Variants in ANKS6 observed in about 807,000 individuals in gnomAD.
The protein encoded by ANKS6 is ankyrin repeat and sterile alpha motif domain containing 6, also known as ankyrin repeat and SAM domain-containing protein 6.
Under a neutral mutation model 77.9 loss-of-function variants are expected in ANKS6, and 47 were observed. The observed-to-expected ratio is 0.60, with a 90% CI of 0.48 to 0.77. The LOEUF (loss-of-function observed/expected upper bound fraction) is 0.77, where lower values mean the gene tolerates loss of function less well. ANKS6 is among the 30% of genes least tolerant of loss of function. ANKS6 has a pLI of 0.00. For missense variants in ANKS6, 1,150 were observed against 1,159.1 expected, an observed-to-expected ratio of 0.99 and a Z score of 0.11; for synonymous variants, 488 against 501.7, an observed-to-expected ratio of 0.97 and a Z score of 0.37.
intron 14 of ANKS6, among the ~76,000 whole-genome samples, chr9:98,743,466 G>A (rs1410605069): frequency 6.6e-6 from 1 of 152,170 alleles, no homozygotes. Context: ...CTTTGCACAT[G>A]TGCTTCCCTC....
intron 11 of ANKS6, among the ~76,000 whole-genome samples, chr9:98,765,292 T>C (rs1332494189): frequency 1.3e-5 from 2 of 152,226 alleles, no homozygotes; most frequent in Admixed American, 1.3e-4. Flanking sequence ...TAAGATTATT[T>C]GGGATTCTGT....
intron 9 of ANKS6, among the ~76,000 whole-genome samples, chr9:98,772,166 C>G (rs1468773686): frequency 1.3e-5 from 2 of 152,144 alleles, no homozygotes; most frequent in African/African-American, 4.8e-5. Context: ...CTAAGATGTG[C>G]CCAAGTCAAG....
Position 98,733,401 on chromosome 9 carries a change from T to C in ANKS6, c.*3118A>G. The C allele has an allele frequency of 1.0e-6, 1 of 985,380 alleles. No homozygotes were observed. The highest frequency in any genetic ancestry group is 1.2e-6 in the Non-Finnish European group (1 of 829,954). The allele number at this position is 985,380 out of a possible 1,614,324, so 61.0% of individuals were successfully genotyped here. A position where few individuals can be genotyped will look rare whatever the true frequency, so the allele number is the denominator to read the frequency against. On this transcript the variant is annotated 3_prime_UTR_variant, in exon 15 of 15. Coordinates refer to ENST00000353234, the MANE Select transcript of ANKS6 (RefSeq NM_173551.5). Reference sequence around the variant, plus strand: ...CTGCAGGAGAGCTCAGGGTGGAGCCTCAGCTCAATGCCCTCAGGCTGGAGA... The same window carrying C: ...CTGCAGGAGAGCTCAGGGTGGAGCCCCAGCTCAATGCCCTCAGGCTGGAGA...
intron 3 of ANKS6, chr9:98,784,525 G>A (rs1013923570): frequency 4.8e-6 from 2 of 417,112 alleles, no homozygotes; most frequent in African/African-American, 4.0e-5. Flanking sequence ...AAAATTTTAG[G>A]CTAAATGCCT....
At chr9:98,745,340 A>C (rs1312807172) in intron 14 of ANKS6, among the ~76,000 whole-genome samples, 1 of 152,200 alleles carries the variant, frequency 6.6e-6, no homozygotes, top group East Asian at 1.9e-4. Flanking sequence ...CCCGAGGGCC[A>C]CACCTAGCCC....
Position 98,735,384 on chromosome 9 carries a change from A to G in ANKS6, c.*1135T>C. ...CATAAATGCAACAAGCACTGGCTGA[A>G]TGAGTCATTCACTGGAAAACACTTC... On this transcript the variant is annotated 3_prime_UTR_variant, in exon 15 of 15. Transcript: ENST00000353234. The G allele has an allele frequency of 7.2e-6, 8 of 1,104,556 alleles. No individual in the cohort carries two copies. The highest frequency in any genetic ancestry group is 8.8e-6 in the Non-Finnish European group (8 of 908,482). 68.4% of individuals were successfully genotyped at this position (1,104,556 alleles called of 1,614,324 possible).
chr9:98,794,637 A>T (rs796492771), intron 1 of ANKS6, among the ~76,000 whole-genome samples: 20 of 152,216 alleles, frequency 1.3e-4, no homozygotes, highest in African/African-American at 4.3e-4. Context: ...CTTGGTTAAA[A>T]CTGATGATCT....
chr9:98,780,471 C>T (rs1272324976), intron 5 of ANKS6, 134 bp from the exon 6 acceptor site: 4 of 1,056,662 alleles, frequency 3.8e-6, no homozygotes, highest in Non-Finnish European at 5.3e-6. Flanking sequence ...AGAATCAAGG[C>T]ACCTGCCTCT....
Position 98,783,963 on chromosome 9 carries a change from T to G in ANKS6, c.1102A>C (p.Thr368Pro). Reference protein sequence around the residue: ...VHGWTALMQATYHGNKEIVKY... With the variant: ...VHGWTALMQAPYHGNKEIVKY... ...GGGGCTGGCACTGACCCATGGTAGG[T>G]TGCCTGCATGAGGGCCGTCCAGCCA... Residue 368 changes from threonine (T) to proline (P), a missense_variant, in exon 4 of 15, where the codon ACC (threonine) becomes CCC (proline). By Grantham distance (38) the Thr-to-Pro change is conservative. Coordinates refer to ENST00000353234, the MANE Select transcript of ANKS6 (RefSeq NM_173551.5). 1.3e-6 allele frequency: 2 copies of G among 1,595,300 alleles called. No homozygotes were observed. Among genetic ancestry groups the G allele is most frequent in the Non-Finnish European group, 1.7e-6 (2 of 1,171,832 alleles).
chr9:98,782,598 T>A lies in ANKS6; in HGVS notation c.1113-25A>T, dbSNP rs1834334996. 3.1e-6 allele frequency: 5 copies of A among 1,592,986 alleles called. No homozygotes were observed. The South Asian group carries it at 4.4e-5, about 14-fold the overall frequency. The stretch of plus-strand genomic sequence containing the variant: ...CCTGGGAAAAAATGCTAGAGTTACA[T>A]TCACTGAAAGCAAAGGCATGGCTTT... On this transcript the variant is annotated intron_variant, in intron 4 of 14. Coordinates refer to ENST00000353234, the MANE Select transcript of ANKS6 (RefSeq NM_173551.5).
chr9:98,781,397 T>A (rs902133532), intron 5 of ANKS6, among the ~76,000 whole-genome samples: 2 of 152,104 alleles, frequency 1.3e-5, no homozygotes, highest in Admixed American at 1.3e-4. Flanking sequence ...AAAGTGTGTA[T>A]GAGATCCAGC....
At chr9:98,793,230 G>A (rs572031657) in intron 1 of ANKS6, among the ~76,000 whole-genome samples, 6 of 152,312 alleles carry the variant, frequency 3.9e-5, no homozygotes, top group Admixed American at 1.3e-4. Flanking sequence ...TTGGCAAGCC[G>A]CTTCCAGGCA....
At chr9:98,773,088 C>T (rs1045695425) in intron 9 of ANKS6, among the ~76,000 whole-genome samples, 2 of 152,204 alleles carry the variant, frequency 1.3e-5, no homozygotes, top group Non-Finnish European at 1.5e-5. Context: ...CTACAACTCC[C>T]CCGTTCCTAC....
In ANKS6 at chr9:98,741,300, C is replaced by T. The variant is rs370211788; in HGVS notation, c.2511+4259G>A. Among the ~76,000 whole-genome samples the T allele has an allele frequency of 2.8e-4, 42 of 152,140 alleles. 1 individual carries two copies. In the South Asian group the frequency reaches 7.5e-3, roughly 27 times the overall value. ...CCAAATTTATCTCAGTTATATTTTA[C>T]GAAAATTTAAGGGTGTGGTGATGGG... is the stretch of plus-strand genomic sequence containing the variant. On this transcript the variant is annotated intron_variant, in intron 14 of 14. Coordinates refer to ENST00000353234, the MANE Select transcript of ANKS6 (RefSeq NM_173551.5).
At chr9:98,742,487 C>T (rs1248167946) in intron 14 of ANKS6, among the ~76,000 whole-genome samples, 1 of 152,220 alleles carries the variant, frequency 6.6e-6, no homozygotes, top group South Asian at 2.1e-4. Flanking sequence ...CTAAACATGC[C>T]TTTTCTCTAT....
intron 12 of ANKS6, among the ~76,000 whole-genome samples, chr9:98,754,027 C>T (rs1832569673): frequency 6.6e-6 from 1 of 152,164 alleles, no homozygotes; most frequent in Non-Finnish European, 1.5e-5. Context: ...AGTGCCCGCT[C>T]ACCAGGGGAG....
chr9:98,773,767 A>G (rs905506248), intron 9 of ANKS6, 110 bp downstream of exon 9: 5 of 1,016,924 alleles, frequency 4.9e-6, no homozygotes, highest in Non-Finnish European at 6.6e-6. Context: ...AAAGAAAAAA[A>G]AAGTTGCAAC....
At chr9:98,755,202 T>C (rs1564187850) in intron 12 of ANKS6, among the ~76,000 whole-genome samples, 1 of 152,202 alleles carries the variant, frequency 6.6e-6, no homozygotes, top group East Asian at 1.9e-4. Flanking sequence ...CCAACTTATC[T>C]TGCTCAGCAG....
At chr9:98,780,995 A>C (rs146592102) in intron 5 of ANKS6, among the ~76,000 whole-genome samples, 224 of 150,546 alleles carry the variant, frequency 1.5e-3, no homozygotes, top group African/African-American at 5.2e-3. Flanking sequence ...TCCACCTCCT[A>C]GGTTCAAGCG....
Sources: gnomAD v4.1 joint callset for allele counts (sites outside exome capture counted in the v4.1 genomes callset) on GRCh38, gnomAD v4.1.1 for gene constraint, MANE v1.5 for transcripts, NCBI Gene and HGNC (gene_info 2026-07-23, HGNC 2026-07-21) for gene names.